Variants in PRKN observed in about 807,000 individuals in gnomAD.
PRKN encodes the protein parkin RBR E3 ubiquitin protein ligase.
PRKN carries 56 observed loss-of-function variants against 59.5 expected under a neutral mutation model. That is an observed-to-expected ratio of 0.94 (90% CI 0.76 to 1.18). PRKN has a LOEUF of 1.18. Ranked by LOEUF, PRKN falls within the 50% of genes most tolerant of loss-of-function variation. The pLI, the probability that PRKN is intolerant of heterozygous loss-of-function variation, is 0.00. For missense variants in PRKN, 657 were observed against 596.4 expected (o/e 1.10, Z -1.06); for synonymous variants, 250 against 222.1 (o/e 1.13, Z -1.12).
At chr6:162,688,850 A>G (rs576193402) in intron 1 of PRKN, among the ~76,000 whole-genome samples, 1 of 152,264 alleles carries the variant, frequency 6.6e-6, no homozygotes, top group East Asian at 1.9e-4. Context: ...GCATCTTTAT[A>G]ATTGTGTTTT....
chr6:162,499,780 A>G (rs918851213), intron 1 of PRKN, among the ~76,000 whole-genome samples: 1 of 152,156 alleles, frequency 6.6e-6, no homozygotes, highest in African/African-American at 2.4e-5. Flanking sequence ...GGCACTTAAA[A>G]ACATTATTTG....
intron 9 of PRKN, among the ~76,000 whole-genome samples, chr6:161,489,960 G>C (rs959622221): frequency 6.6e-6 from 1 of 152,162 alleles, no homozygotes; most frequent in African/African-American, 2.4e-5. Context: ...CTTTAAGCTG[G>C]GCATCCAATT....
chr6:161,541,099 A>G (rs1779600168), intron 9 of PRKN, among the ~76,000 whole-genome samples: 1 of 152,240 alleles, frequency 6.6e-6, no homozygotes, highest in Non-Finnish European at 1.5e-5. Flanking sequence ...TTCCTTGGAC[A>G]GACGTCCCTG....
intron 7 of PRKN, among the ~76,000 whole-genome samples, chr6:161,614,967 G>C (rs946395248): frequency 4.6e-3 from 50 of 10,856 alleles, no homozygotes; most frequent in Middle Eastern, 0.17. Context: ...GGAAGACAGA[G>C]AGAGAGAGAG....
chr6:162,296,961 T>C (rs1232270735), intron 2 of PRKN, among the ~76,000 whole-genome samples: 1 of 152,016 alleles, frequency 6.6e-6, no homozygotes, highest in Admixed American at 6.6e-5. Context: ...AGGCCTCTCA[T>C]ATTGCAAATG....
intron 5 of PRKN, among the ~76,000 whole-genome samples, chr6:162,022,489 T>C (rs916822549): frequency 6.6e-6 from 1 of 152,210 alleles, no homozygotes; most frequent in African/African-American, 2.4e-5. Context: ...TTGAGAAGTG[T>C]CTGTTCATGT....
At chr6:161,716,676 G>T (rs186636849) in intron 7 of PRKN, among the ~76,000 whole-genome samples, 1 of 152,310 alleles carries the variant, frequency 6.6e-6, no homozygotes, top group African/African-American at 2.4e-5. Context: ...GGCAGACAAG[G>T]CTTGAGAACA....
At position 162,026,327 on chromosome 6, in the gene PRKN, C is replaced by T. The variant is rs573135124; in HGVS notation, c.618+27764G>A. ...CTTCTGCTAACACTGCAATTATGTA[C>T]TCATAATCTCTCATTGTAAATAGAG... On this transcript the variant is annotated intron_variant, in intron 5 of 11. Transcript: ENST00000366898. 7.2e-5 allele frequency among the ~76,000 whole-genome samples: 11 copies of T among 152,308 alleles called. No individual in the cohort carries two copies. In the South Asian group the frequency reaches 2.3e-3, roughly 32 times the overall value.
rs550218776 is a variant in PRKN, at chr6:162,461,025, T to C, written c.8-17552A>G. ...ATTAAAATTCATTCAATTCTTACTG[T>C]CAACAAATATTTACTGAATAAGTAA... On this transcript the variant is annotated intron_variant, in intron 1 of 11. Coordinates refer to ENST00000366898, the MANE Select transcript of PRKN (RefSeq NM_004562.3). Among the ~76,000 whole-genome samples, 38 of 152,286 alleles carry C rather than the reference T, an allele frequency of 2.5e-4. 2 individuals are homozygous for C. The South Asian group carries it at 7.5e-3, about 30-fold the overall frequency.
chr6:162,433,126 T>A (rs1474051685), intron 2 of PRKN, among the ~76,000 whole-genome samples: 1 of 152,198 alleles, frequency 6.6e-6, no homozygotes, highest in Non-Finnish European at 1.5e-5. Flanking sequence ...ACAAATAAAA[T>A]GTTTATATTT....
At chr6:161,852,311 C>A (rs946741332) in intron 6 of PRKN, among the ~76,000 whole-genome samples, 2 of 151,920 alleles carry the variant, frequency 1.3e-5, no homozygotes, top group African/African-American at 4.8e-5. Flanking sequence ...CAAAATGAGC[C>A]AGGTGGTGGT....
intron 2 of PRKN, among the ~76,000 whole-genome samples, chr6:162,353,653 T>C (rs1163503655): frequency 6.6e-6 from 1 of 152,136 alleles, no homozygotes; most frequent in Non-Finnish European, 1.5e-5. Flanking sequence ...ACCTTGTACA[T>C]AGTTCCTGGA....
chr6:161,496,446 A>T (rs1348070373), intron 9 of PRKN, among the ~76,000 whole-genome samples: 1 of 152,268 alleles, frequency 6.6e-6, no homozygotes, highest in Non-Finnish European at 1.5e-5. Context: ...ACTGACTCAC[A>T]GTTCCACATG....
chr6:161,775,821 G>A (rs1327109090), intron 7 of PRKN, among the ~76,000 whole-genome samples: 1 of 152,088 alleles, frequency 6.6e-6, no homozygotes, highest in African/African-American at 2.4e-5. Context: ...ATCTAAACAG[G>A]ATCAGAACTG....
rs569042630 is a variant in PRKN at position 161,910,660 on chromosome 6, G to A, written c.734+62642C>T. On this transcript the variant is annotated intron_variant, in intron 6 of 11. Transcript: ENST00000366898. Reference sequence around the variant, plus strand: ...AAGGAAGTTCTACCATAGATAGAATGCTATCAAACAGCATCATGGTATAGA... The same window carrying A: ...AAGGAAGTTCTACCATAGATAGAATACTATCAAACAGCATCATGGTATAGA... Among the ~76,000 whole-genome samples the A allele has an allele frequency of 3.3e-5, 5 of 152,336 alleles. No individual in the cohort carries two copies. The South Asian group carries it at 1.0e-3, about 32-fold the overall frequency.
chr6:161,963,105 T>C (rs1019471281), intron 6 of PRKN, among the ~76,000 whole-genome samples: 2 of 152,114 alleles, frequency 1.3e-5, no homozygotes, highest in African/African-American at 4.8e-5. Flanking sequence ...ATTGAGCCAT[T>C]GCACCCCAGC....
chr6:162,000,374 T>G lies in PRKN; in HGVS notation c.619-26957A>C, dbSNP rs563444867. On this transcript the variant is annotated intron_variant, in intron 5 of 11. Coordinates refer to ENST00000366898, the MANE Select transcript of PRKN (RefSeq NM_004562.3). ...GTACTGGTATCTCATTGTTTGTTTG[T>G]TTTTTTAAATTTTAATTTCCCTAAC... Among the ~76,000 whole-genome samples, 3 of 152,208 alleles carry G rather than the reference T, an allele frequency of 2.0e-5. No homozygotes were observed. In the South Asian group the frequency reaches 6.2e-4, roughly 32 times the overall value.
chr6:161,703,819 A>ATCTCTC (rs1281347014), intron 7 of PRKN, among the ~76,000 whole-genome samples: 23 of 136,312 alleles, frequency 1.7e-4, no homozygotes, highest in African/African-American at 5.1e-4. Context: ...GAGGACACAC[A>ATCTCTC]TCTCTCTCTC....
chr6:161,425,373 C>G lies in PRKN; in HGVS notation c.1084-38496G>C, dbSNP rs117833737. ...ACCTCCTGAAAGGTTATCGCTGCAC[C>G]CATTGCAATCCTGATCTGAAAGTTC... On this transcript the variant is annotated intron_variant, in intron 9 of 11. Transcript: ENST00000366898. Among the ~76,000 whole-genome samples, 296 of 152,302 alleles carry G rather than the reference C, an allele frequency of 1.9e-3. 6 individuals are homozygous for G. The East Asian group carries it at 0.026, about 13-fold the overall frequency.
Sources: gnomAD v4.1 joint callset for allele counts (sites outside exome capture counted in the v4.1 genomes callset) on GRCh38, gnomAD v4.1.1 for gene constraint, MANE v1.5 for transcripts, NCBI Gene and HGNC (gene_info 2026-07-23, HGNC 2026-07-21) for gene names.